RTL9: variants seen among roughly 807,000 people sequenced by gnomAD.
RTL9 encodes the protein retrotransposon Gag-like protein 9.
Under a neutral mutation model 44.7 loss-of-function variants are expected in RTL9, and 19 were observed. That is an observed-to-expected ratio of 0.42 (90% CI 0.30 to 0.62). RTL9 has a LOEUF of 0.62. RTL9 is among the 20% of genes least tolerant of loss of function. The probability of loss-of-function intolerance (pLI) is 0.16; values close to 1 mark genes in which losing one functional copy is unlikely to be tolerated. For missense variants in RTL9, 1,105 were observed against 1,080.6 expected, an observed-to-expected ratio of 1.02 and a Z score of -0.32; for synonymous variants, 407 against 398.9, an observed-to-expected ratio of 1.02 and a Z score of -0.24.
intron 1 of RTL9, among the ~76,000 whole-genome samples, chrX:110,395,570 A>G (rs1265281133): frequency 8.9e-6 from 1 of 112,774 alleles, no homozygotes; most frequent in Admixed American, 9.3e-5. Flanking sequence ...TCAAAGTCAC[A>G]TTGATAGTAA....
At chrX:110,372,256 A>G (rs2068344370) in intron 1 of RTL9, among the ~76,000 whole-genome samples, 1 of 112,706 alleles carries the variant, frequency 8.9e-6, no homozygotes, top group Non-Finnish European at 1.9e-5. Flanking sequence ...AAATCAAGGA[A>G]GGAGGATATT....
At chrX:110,372,691 G>C (rs1239207748) in intron 1 of RTL9, among the ~76,000 whole-genome samples, 1 of 111,664 alleles carries the variant, frequency 9.0e-6, no homozygotes, top group African/African-American at 3.3e-5. Flanking sequence ...TTAAAACACA[G>C]AGACATACTG....
At chrX:110,366,927 C>T (rs1251126234) in intron 1 of RTL9, among the ~76,000 whole-genome samples, 4 of 111,391 alleles carry the variant, frequency 3.6e-5, no homozygotes, top group East Asian at 2.8e-4. Context: ...CTCAAACTTC[C>T]GACACTTGTT....
At chrX:110,454,328 T>C (rs1199002995) in exon 1 of RTL9, 2 of 1,210,564 alleles carry the variant, frequency 1.7e-6, no homozygotes, top group African/African-American at 1.7e-5. Context: ...TCCTCAGTGC[T>C]GTTCTTTGCC....
intron 1 of RTL9, among the ~76,000 whole-genome samples, chrX:110,386,298 ATTTTATTTTAT>A (rs1204242593): frequency 9.1e-6 from 1 of 109,573 alleles, no homozygotes; most frequent in South Asian, 3.8e-4. Context: ...AACACTTGTT[ATTTTATTTTAT>A]TTTTATTTTA....
intron 1 of RTL9, among the ~76,000 whole-genome samples, chrX:110,389,198 A>G (rs1288874623): frequency 8.9e-6 from 1 of 112,873 alleles, no homozygotes; most frequent in Admixed American, 9.3e-5. Context: ...CAAATCTCCA[A>G]GGAAATATAG....
At chrX:110,397,206 C>T (rs949877751) in intron 1 of RTL9, among the ~76,000 whole-genome samples, 3 of 111,088 alleles carry the variant, frequency 2.7e-5, no homozygotes, top group African/African-American at 6.6e-5. Flanking sequence ...GCTTGATCTC[C>T]ATGTCTAATT....
intron 1 of RTL9, among the ~76,000 whole-genome samples, chrX:110,386,844 C>T (rs188645439): frequency 5.9e-4 from 66 of 112,272 alleles, no homozygotes; most frequent in Non-Finnish European, 1.0e-3. Flanking sequence ...AAGACCTAAC[C>T]TCTATTCTCA....
chrX:110,370,796 T>C (rs2068333099), intron 1 of RTL9, among the ~76,000 whole-genome samples: 1 of 112,153 alleles, frequency 8.9e-6, no homozygotes, highest in South Asian at 3.8e-4. Flanking sequence ...AACTCACATA[T>C]AACACATCCA....
intron 1 of RTL9, among the ~76,000 whole-genome samples, chrX:110,394,725 C>T (rs1237756979): frequency 8.9e-6 from 1 of 112,722 alleles, no homozygotes; most frequent in Non-Finnish European, 1.9e-5. Context: ...TGCTTTTGCA[C>T]ATGCATCTGC....
chrX:110,366,834 G>A (rs1425992763), intron 1 of RTL9, among the ~76,000 whole-genome samples: 1 of 112,047 alleles, frequency 8.9e-6, no homozygotes, highest in Non-Finnish European at 1.9e-5. Flanking sequence ...TGGGCCCTTA[G>A]TACTATCTGC....
chrX:110,377,805 C>T (rs1006745604), intron 1 of RTL9, among the ~76,000 whole-genome samples: 52 of 108,683 alleles, frequency 4.8e-4, no homozygotes, highest in African/African-American at 1.7e-3. Flanking sequence ...GTCAGGAGAT[C>T]GAGACCATCC....
chrX:110,374,007 G>A (rs1211473526), intron 1 of RTL9, among the ~76,000 whole-genome samples: 3 of 111,595 alleles, frequency 2.7e-5, no homozygotes, highest in Non-Finnish European at 5.7e-5. Context: ...ATATGAAAGG[G>A]AAAATAGAAG....
At chrX:110,454,008 G>T in exon 1 of RTL9, 2 of 1,211,957 alleles carry the variant, frequency 1.7e-6, no homozygotes, top group Non-Finnish European at 2.2e-6. Flanking sequence ...TCCTGAAACT[G>T]CGAAACCACC....
intron 1 of RTL9, among the ~76,000 whole-genome samples, chrX:110,425,621 C>T (rs936989505): frequency 6.2e-5 from 7 of 112,959 alleles, no homozygotes; most frequent in African/African-American, 1.6e-4. Context: ...TGAGTACTTA[C>T]TATGGGCCAG....
At chrX:110,404,390 G>T (rs976686317) in intron 1 of RTL9, among the ~76,000 whole-genome samples, 1 of 111,492 alleles carries the variant, frequency 9.0e-6, no homozygotes, top group Admixed American at 9.6e-5. Flanking sequence ...GGTTTCTATG[G>T]TGCTTTTCCG....
chrX:110,453,635 A>G, exon 1 of RTL9: 1 of 1,211,893 alleles, frequency 8.3e-7, no homozygotes, highest in East Asian at 3.0e-5. Context: ...TGTCACAAAC[A>G]ACATATACCG....
chrX:110,365,462 A>G (rs768255347), intron 1 of RTL9, among the ~76,000 whole-genome samples: 3 of 112,334 alleles, frequency 2.7e-5, no homozygotes, highest in African/African-American at 9.7e-5. Context: ...ATGTGACAAT[A>G]TCATTTCATA....
intron 1 of RTL9, among the ~76,000 whole-genome samples, chrX:110,433,703 ACT>A (rs1163608360): frequency 3.6e-5 from 4 of 111,657 alleles, no homozygotes; most frequent in African/African-American, 1.3e-4. Flanking sequence ...GGACAGTGAC[ACT>A]TTTAGAAAGC....
Sources: gnomAD v4.1 joint callset for allele counts (sites outside exome capture counted in the v4.1 genomes callset) on GRCh38, gnomAD v4.1.1 for gene constraint, MANE v1.5 for transcripts, NCBI Gene and HGNC (gene_info 2026-07-23, HGNC 2026-07-21) for gene names.